The following RAB28 variants were observed in gnomAD, a reference collection of about 807,000 sequenced individuals.
The protein encoded by RAB28 is ras-related protein Rab-28.
Under a neutral mutation model 31.7 loss-of-function variants are expected in RAB28, and 24 were observed. The ratio of observed to expected loss-of-function variants is 0.76; its 90% CI spans 0.55 to 1.06. The LOEUF (loss-of-function observed/expected upper bound fraction) is 1.06, where lower values mean the gene tolerates loss of function less well. RAB28 is among the 50% of genes least tolerant of loss of function. The pLI, the probability that RAB28 is intolerant of heterozygous loss-of-function variation, is 0.00. For synonymous variants in RAB28, 100 were observed against 90.4 expected (o/e 1.11, Z -0.60); for missense variants, 254 against 258.5 (o/e 0.98, Z 0.12).
chr4:13,410,604 T>A (rs1257661386), intron 4 of RAB28, among the ~76,000 whole-genome samples: 2 of 152,218 alleles, frequency 1.3e-5, no homozygotes, highest in East Asian at 3.9e-4. Flanking sequence ...TCAGCTCCTA[T>A]CAGATCTTAA....
chr4:13,443,405 C>T (rs1230804533), intron 4 of RAB28, among the ~76,000 whole-genome samples: 2 of 152,166 alleles, frequency 1.3e-5, no homozygotes, highest in Non-Finnish European at 2.9e-5. Context: ...ATCTCTTGAC[C>T]TCATGATCCG....
At chr4:13,370,447 G>A in intron 6 of RAB28, 1 of 780,418 alleles carries the variant, frequency 1.3e-6, no homozygotes, top group Non-Finnish European at 1.6e-6. Flanking sequence ...GACTTACACA[G>A]AATCTATTCA....
intron 4 of RAB28, among the ~76,000 whole-genome samples, chr4:13,418,991 G>A (rs1286912706): frequency 6.6e-6 from 1 of 152,140 alleles, no homozygotes; most frequent in Non-Finnish European, 1.5e-5. Context: ...TCAGTGTGCT[G>A]TATTCAGGAG....
chr4:13,443,587 T>C (rs1443179827), intron 4 of RAB28, among the ~76,000 whole-genome samples: 1 of 152,232 alleles, frequency 6.6e-6, no homozygotes, highest in Non-Finnish European at 1.5e-5. Flanking sequence ...TATATTTACC[T>C]TGGACAATAT....
chr4:13,415,953 C>T (rs1254532637), intron 4 of RAB28, among the ~76,000 whole-genome samples: 1 of 152,190 alleles, frequency 6.6e-6, no homozygotes, highest in Admixed American at 6.5e-5. Flanking sequence ...CAATCAGCAC[C>T]TTGTGTCTGG....
intron 3 of RAB28, among the ~76,000 whole-genome samples, chr4:13,469,110 C>T (rs1371571511): frequency 6.6e-6 from 1 of 151,960 alleles, no homozygotes; most frequent in Non-Finnish European, 1.5e-5. Flanking sequence ...AGTTTCTGAC[C>T]ACGTCAATCA....
intron 6 of RAB28, among the ~76,000 whole-genome samples, chr4:13,372,961 T>C (rs2108874701): frequency 6.6e-6 from 1 of 152,242 alleles, no homozygotes; most frequent in Middle Eastern, 3.4e-3. Flanking sequence ...TTAATGAATA[T>C]CTCAGACATG....
At chr4:13,457,930 T>C (rs945715159) in intron 4 of RAB28, among the ~76,000 whole-genome samples, 4 of 152,184 alleles carry the variant, frequency 2.6e-5, no homozygotes, top group Admixed American at 2.6e-4. Flanking sequence ...AAACACTCTA[T>C]AATTTCTCAT....
chr4:13,474,266 G>A, intron 3 of RAB28, 52 bp downstream of exon 3: 3 of 1,188,168 alleles, frequency 2.5e-6, no homozygotes, highest in Non-Finnish European at 3.8e-6. Flanking sequence ...TTGCATGTGT[G>A]CTTGTAAGTG....
At chr4:13,380,611 A>C (rs1051646037) in intron 5 of RAB28, among the ~76,000 whole-genome samples, 7 of 152,122 alleles carry the variant, frequency 4.6e-5, no homozygotes. Context: ...AAAGATTTTA[A>C]AATAAATACA....
At chr4:13,384,446 T>C (rs1729276031) in intron 4 of RAB28, among the ~76,000 whole-genome samples, 1 of 152,200 alleles carries the variant, frequency 6.6e-6, no homozygotes, top group African/African-American at 2.4e-5. Context: ...CGAAACACTT[T>C]GGCTAGTACC....
At chr4:13,460,047 T>G in intron 4 of RAB28, 1 of 457,164 alleles carries the variant, frequency 2.2e-6, no homozygotes, top group Non-Finnish European at 3.7e-6. Flanking sequence ...TTGTACACAC[T>G]CTTAGGAATT....
At chr4:13,444,834 T>G (rs1714614710) in intron 4 of RAB28, among the ~76,000 whole-genome samples, 2 of 152,136 alleles carry the variant, frequency 1.3e-5, no homozygotes, top group African/African-American at 4.8e-5. Flanking sequence ...TTCCCCAACT[T>G]TTATCTCTAG....
intron 4 of RAB28, among the ~76,000 whole-genome samples, chr4:13,408,862 A>G (rs1178115468): frequency 6.6e-6 from 1 of 152,212 alleles, no homozygotes; most frequent in African/African-American, 2.4e-5. Flanking sequence ...AGAACACATT[A>G]TACAAATGAT....
chr4:13,475,445 T>G (rs1716315581), intron 2 of RAB28, among the ~76,000 whole-genome samples: 1 of 151,592 alleles, frequency 6.6e-6, no homozygotes. Flanking sequence ...AAAAAAAGAT[T>G]ATAAAGATAT....
In RAB28 at chr4:13,394,722, T is replaced by C. The variant is rs550999445; in HGVS notation, c.392-13128A>G. On this transcript the variant is annotated intron_variant, in intron 4 of 6. Coordinates refer to ENST00000330852, the MANE Select transcript of RAB28 (RefSeq NM_001017979.3). ...TGGTACCTATAGCATAATGAGGATA[T>C]TACTCAAATACAATAATGGAAAACC... 9.9e-5 allele frequency among the ~76,000 whole-genome samples: 15 copies of C among 152,178 alleles called. No individual in the cohort carries two copies. In the South Asian group the frequency reaches 3.1e-3, roughly 32 times the overall value.
intron 4 of RAB28, among the ~76,000 whole-genome samples, chr4:13,405,512 T>C (rs887834214): frequency 6.6e-6 from 1 of 152,202 alleles, no homozygotes; most frequent in Non-Finnish European, 1.5e-5. Context: ...ACTCATAACA[T>C]AGACTCCTTT....
At chr4:13,443,855 T>A (rs1197512319) in intron 4 of RAB28, among the ~76,000 whole-genome samples, 1 of 152,056 alleles carries the variant, frequency 6.6e-6, no homozygotes, top group East Asian at 1.9e-4. Flanking sequence ...AGCTGGCCCA[T>A]CCCCTGACAA....
In RAB28 at chr4:13,484,254, C is replaced by A; in HGVS notation, c.-104G>T. The A allele has an allele frequency of 1.1e-6, 1 of 881,170 alleles. No homozygotes were observed. Among genetic ancestry groups the A allele is most frequent in the Non-Finnish European group, 1.8e-6 (1 of 544,860 alleles). 54.6% of individuals were successfully genotyped at this position (881,170 alleles called of 1,614,324 possible). On this transcript the variant is annotated 5_prime_UTR_variant, in exon 1 of 7. Coordinates refer to ENST00000330852, the MANE Select transcript of RAB28 (RefSeq NM_001017979.3). ...GGAAGGGAGGTAGTTGCGGCAGGAC[C>A]CCCGCCCCGGTGTCTCCGCGCCGGC...
Sources: allele counts gnomAD v4.1 joint callset (sites outside exome capture counted in the v4.1 genomes callset), GRCh38; gene constraint gnomAD v4.1.1; transcripts MANE v1.5; gene names NCBI Gene and HGNC (gene_info 2026-07-23, HGNC 2026-07-21).